Variants in ZBTB46 observed in about 807,000 individuals in gnomAD.
The protein encoded by ZBTB46 is zinc finger and BTB domain containing 46, also known as zinc finger and BTB domain-containing protein 46.
In ZBTB46, 8 loss-of-function variants were observed where a neutral mutation model predicts 44.1. The ratio of observed to expected loss-of-function variants is 0.18; its 90% CI spans 0.11 to 0.33. The LOEUF is 0.33. Ranked by LOEUF, ZBTB46 falls within the 10% of genes least tolerant of loss-of-function variation. ZBTB46 has a pLI of 1.00. For synonymous variants in ZBTB46, 409 were observed against 382.3 expected (o/e 1.07, Z -0.81); for missense variants, 651 against 847.7 (o/e 0.77, Z 2.88).
At chr20:63,763,756 C>G (rs2092296136) in intron 3 of ZBTB46, among the ~76,000 whole-genome samples, 1 of 152,120 alleles carries the variant, frequency 6.6e-6, no homozygotes, top group African/African-American at 2.4e-5. Flanking sequence ...TTGAATCACA[C>G]CACTTTTCCT....
chr20:63,749,239 C>A (rs1008188659), intron 4 of ZBTB46, among the ~76,000 whole-genome samples: 1 of 152,246 alleles, frequency 6.6e-6, no homozygotes, highest in African/African-American at 2.4e-5. Flanking sequence ...CAGCACCACA[C>A]AGCACACCTC....
At chr20:63,807,966 C>CA in intron 1 of ZBTB46, 1 of 150,408 alleles carries the variant, frequency 6.6e-6, no homozygotes, top group Non-Finnish European at 1.5e-5. Flanking sequence ...AGGAGACACT[C>CA]ACGGAAGCTG....
rs143381898 is a variant in ZBTB46, at chr20:63,793,924, C to T, written c.-33-3134G>A. On this transcript the variant is annotated intron_variant, in intron 1 of 4. Coordinates refer to ENST00000245663, the MANE Select transcript of ZBTB46 (RefSeq NM_001369741.1). ...CTGTCAGGCCAGGCGCGGTGGCTCA[C>T]GCCTGTAATCCCAGCACTTTGGGAG... Among the ~76,000 whole-genome samples, 1,192 of 152,270 alleles carry T rather than the reference C, an allele frequency of 7.8e-3. 7 individuals are homozygous for T. The highest frequency in any genetic ancestry group is 0.017 in the Admixed American group (257 of 15,296).
intron 2 of ZBTB46, among the ~76,000 whole-genome samples, chr20:63,785,422 G>A (rs1287162196): frequency 4.6e-5 from 7 of 151,764 alleles, no homozygotes. Flanking sequence ...TTAGCCGGGC[G>A]TGGTCACGGG....
At chr20:63,784,075 G>A (rs539039019) in intron 2 of ZBTB46, among the ~76,000 whole-genome samples, 33 of 152,322 alleles carry the variant, frequency 2.2e-4, no homozygotes, top group African/African-American at 7.9e-4. Context: ...CCGTGGTGGG[G>A]GTCCTCCTCC....
At chr20:63,796,264 G>GAC (rs1300696456) in intron 1 of ZBTB46, among the ~76,000 whole-genome samples, 4 of 152,248 alleles carry the variant, frequency 2.6e-5, no homozygotes, top group Admixed American at 6.5e-5. Flanking sequence ...GCATCCACCG[G>GAC]ACGCCCGATC....
intron 1 of ZBTB46, among the ~76,000 whole-genome samples, chr20:63,817,213 A>G (rs1195015877): frequency 6.6e-6 from 1 of 152,170 alleles, no homozygotes; most frequent in Non-Finnish European, 1.5e-5. Flanking sequence ...TGAGCCCAGC[A>G]TGGGCCACAT....
intron 3 of ZBTB46, among the ~76,000 whole-genome samples, chr20:63,766,252 G>A (rs572691663): frequency 4.2e-5 from 5 of 120,424 alleles, no homozygotes; most frequent in African/African-American, 1.3e-4. Flanking sequence ...TTTCGCTCTC[G>A]TTGCCCAGGC....
At chr20:63,800,549 G>A (rs985278523) in intron 1 of ZBTB46, among the ~76,000 whole-genome samples, 4 of 152,236 alleles carry the variant, frequency 2.6e-5, no homozygotes, top group Non-Finnish European at 4.4e-5. Context: ...CTCAGCTTGC[G>A]GGGAGGTGTG....
intron 3 of ZBTB46, among the ~76,000 whole-genome samples, chr20:63,770,510 G>A (rs1197380498): frequency 6.6e-6 from 1 of 152,178 alleles, no homozygotes; most frequent in Non-Finnish European, 1.5e-5. Context: ...CCAAGCCAAG[G>A]TTACTGGTCC....
intron 2 of ZBTB46, among the ~76,000 whole-genome samples, chr20:63,776,373 C>G (rs1375290070): frequency 6.6e-6 from 1 of 152,210 alleles, no homozygotes. Context: ...GACGTTAGAG[C>G]TAAATCTATA....
Position 63,744,527 on chromosome 20 carries a change from T to C in ZBTB46, c.*2403A>G, listed in dbSNP as rs2092069913. 1 of 152,196 alleles carries C rather than the reference T, an allele frequency of 6.6e-6. No individual in the cohort carries two copies. The allele number at this position is 152,196 out of a possible 1,614,324, so 9.4% of individuals were successfully genotyped here. On this transcript the variant is annotated 3_prime_UTR_variant, in exon 5 of 5. Coordinates refer to ENST00000245663, the MANE Select transcript of ZBTB46 (RefSeq NM_001369741.1). Reference sequence around the variant, plus strand: ...TGAAATGTAATCTACACATTTTTCCTCTTCATAAAAAAATATTTATTAGTT... The same window carrying C: ...TGAAATGTAATCTACACATTTTTCCCCTTCATAAAAAAATATTTATTAGTT...
intron 1 of ZBTB46, among the ~76,000 whole-genome samples, chr20:63,791,735 T>G (rs1243727437): frequency 6.6e-6 from 1 of 152,168 alleles, no homozygotes; most frequent in East Asian, 1.9e-4. Flanking sequence ...ACGACTGGTC[T>G]CTGGGTCCCC....
intron 2 of ZBTB46, among the ~76,000 whole-genome samples, chr20:63,782,147 C>G (rs2092475818): frequency 6.6e-6 from 1 of 151,774 alleles, no homozygotes; most frequent in Non-Finnish European, 1.5e-5. Context: ...CTACTGTATG[C>G]AAACCCCCAG....
At chr20:63,822,988 C>CATCTCTACTATTCAAGACCAGTG (rs57615885) in intron 1 of ZBTB46, among the ~76,000 whole-genome samples, 4 of 150,952 alleles carry the variant, frequency 2.6e-5, no homozygotes, top group African/African-American at 9.7e-5. Flanking sequence ...TGGACAAACC[C>CATCTCTACTATTCAAGACCAGTG]CGTCTGTACT....
chr20:63,771,530 A>C (rs961460422), intron 3 of ZBTB46, among the ~76,000 whole-genome samples: 1 of 152,108 alleles, frequency 6.6e-6, no homozygotes, highest in Non-Finnish European at 1.5e-5. Context: ...TCCCCCGATC[A>C]GCGTCCACCT....
chr20:63,812,348 A>G lies in ZBTB46; in HGVS notation c.-34+18749T>C, dbSNP rs555999199. 3.9e-5 allele frequency among the ~76,000 whole-genome samples: 6 copies of G among 152,136 alleles called. No individual in the cohort carries two copies. The East Asian group carries it at 9.7e-4, about 25-fold the overall frequency. On this transcript the variant is annotated intron_variant, in intron 1 of 4. Coordinates refer to ENST00000245663, the MANE Select transcript of ZBTB46 (RefSeq NM_001369741.1). Reference sequence around the variant, plus strand: ...CATAGTGAAACCCCGTCTCTACTAAAAATACAAAAAATTAGCCGGGCAATG... The same window carrying G: ...CATAGTGAAACCCCGTCTCTACTAAGAATACAAAAAATTAGCCGGGCAATG...
intron 2 of ZBTB46, among the ~76,000 whole-genome samples, chr20:63,783,195 T>C (rs6089776): frequency 0.95 from 144,094 of 152,180 alleles, 68,298 homozygotes; most frequent in East Asian, 0.99. Context: ...TTTGGGAGGC[T>C]GAGGTGGGTG....
intron 3 of ZBTB46, among the ~76,000 whole-genome samples, chr20:63,768,754 G>A (rs985322505): frequency 6.6e-6 from 1 of 152,094 alleles, no homozygotes; most frequent in African/African-American, 2.4e-5. Context: ...GGCTCTGCGC[G>A]GCTCGGGCTG....
Sources: allele counts gnomAD v4.1 joint callset (sites outside exome capture counted in the v4.1 genomes callset), GRCh38; gene constraint gnomAD v4.1.1; transcripts MANE v1.5; gene names NCBI Gene and HGNC (gene_info 2026-07-23, HGNC 2026-07-21).